The following CHD6 variants were observed in gnomAD, a reference collection of about 807,000 sequenced individuals.
CHD6 encodes chromodomain helicase DNA binding protein 6.
In CHD6, 50 loss-of-function variants were observed where a neutral mutation model predicts 276.9. The observed-to-expected ratio is 0.18, with a 90% CI of 0.14 to 0.23. The LOEUF is 0.23. CHD6 is among the 10% of genes least tolerant of loss of function. CHD6 has a pLI of 1.00. For synonymous variants in CHD6, 1,173 were observed against 1,229.3 expected, an observed-to-expected ratio of 0.95 and a Z score of 0.96; for missense variants, 2,564 against 3,365.8, an observed-to-expected ratio of 0.76 and a Z score of 5.89.
intron 17 of CHD6, among the ~76,000 whole-genome samples, chr20:41,472,323 T>C (rs528741438): frequency 2.8e-4 from 43 of 152,106 alleles, no homozygotes; most frequent in African/African-American, 9.6e-4. Flanking sequence ...CAGACACCCA[T>C]TGGCTTAGTG....
intron 3 of CHD6, among the ~76,000 whole-genome samples, chr20:41,528,016 T>A (rs1372942205): frequency 6.6e-6 from 1 of 152,200 alleles, no homozygotes; most frequent in African/African-American, 2.4e-5. Context: ...CTTCCCAGTC[T>A]CCAGAATGGT....
chr20:41,435,222 G>A (rs557751987), intron 27 of CHD6, among the ~76,000 whole-genome samples: 1 of 152,172 alleles, frequency 6.6e-6, no homozygotes, highest in Non-Finnish European at 1.5e-5. Context: ...GCAATGCCGA[G>A]GGAAATTTAC....
chr20:41,472,316 A>G (rs2043073590), intron 17 of CHD6, among the ~76,000 whole-genome samples: 1 of 151,964 alleles, frequency 6.6e-6, no homozygotes. Context: ...AGAAGCCCAG[A>G]CACCCATTGG....
intron 11 of CHD6, among the ~76,000 whole-genome samples, chr20:41,490,559 T>G (rs2043526454): frequency 6.6e-6 from 1 of 152,152 alleles, no homozygotes; most frequent in South Asian, 2.1e-4. Context: ...ACACCTGTAA[T>G]CCCAACATTT....
chr20:41,482,724 A>AC (rs2043323472), intron 16 of CHD6, among the ~76,000 whole-genome samples: 1 of 152,178 alleles, frequency 6.6e-6, no homozygotes, highest in African/African-American at 2.4e-5. Flanking sequence ...AATCCAAATA[A>AC]CCCACACAGC....
At chr20:41,558,715 C>T (rs969668353) in intron 1 of CHD6, among the ~76,000 whole-genome samples, 2 of 152,118 alleles carry the variant, frequency 1.3e-5, no homozygotes, top group Non-Finnish European at 2.9e-5. Context: ...ACCCTCTCTC[C>T]CCCTTCTCAG....
chr20:41,414,924 G>A, intron 34 of CHD6: 1 of 1,317,116 alleles, frequency 7.6e-7, no homozygotes, highest in South Asian at 1.8e-5. Flanking sequence ...CTGAAACCCT[G>A]GAGGAGCGGG....
Position 41,403,089 on chromosome 20 carries a change from G to GCATCATAAA in CHD6, c.*1495_*1503dup. On this transcript the variant is annotated 3_prime_UTR_variant, in exon 37 of 37. Coordinates refer to ENST00000373233, the MANE Select transcript of CHD6 (RefSeq NM_032221.5). ...AAATGTATAAAAGACAATGAAAAAA[G>GCATCATAAA]CATCATAAATAAATAATGCAAAATG... 4.4e-6 allele frequency: 1 copy of GCATCATAAA among 227,750 alleles called. No individual in the cohort carries two copies. Among genetic ancestry groups the GCATCATAAA allele is most frequent in the Non-Finnish European group, 8.5e-6 (1 of 117,832 alleles). The allele number at this position is 227,750 out of a possible 1,614,324, so 14.1% of individuals were successfully genotyped here. A position where few individuals can be genotyped will look rare whatever the true frequency, so the allele number is the denominator to read the frequency against.
intron 1 of CHD6, among the ~76,000 whole-genome samples, chr20:41,559,147 G>GACACACACACACACAC (rs58169591): frequency 2.6e-4 from 39 of 148,272 alleles, no homozygotes; most frequent in Middle Eastern, 3.6e-3. Context: ...GCCTGTTCCT[G>GACACACACACACACAC]ACACACACAC....
Position 41,440,044 on chromosome 20 carries a change from A to C in CHD6, c.3963T>G (p.Ser1321=). The change falls in exon 26 of 37, where the codon TCT becomes TCG. Residue 1321 remains serine, a synonymous_variant. Coordinates refer to ENST00000373233, the MANE Select transcript of CHD6 (RefSeq NM_032221.5). ...KVGMPDEKSL[S]AEQGVTDGTS... ...TCCCATCTGTAACACCCTGTTCTGCAGAAAGGGACTTCTCATCGGGCATCC... is the reference window on the plus strand; with the variant it reads ...TCCCATCTGTAACACCCTGTTCTGCCGAAAGGGACTTCTCATCGGGCATCC... 6.2e-7 allele frequency: 1 copy of C among 1,614,098 alleles called. No individual in the cohort carries two copies. Among genetic ancestry groups the C allele is most frequent in the Admixed American group, 1.7e-5 (1 of 60,020 alleles).
chr20:41,586,213 G>T (rs535039365), intron 1 of CHD6, among the ~76,000 whole-genome samples: 1 of 152,252 alleles, frequency 6.6e-6, no homozygotes, highest in African/African-American at 2.4e-5. Flanking sequence ...GTCCGTGTTT[G>T]TTCCGGCTCA....
At chr20:41,461,129 T>C (rs1184345069) in intron 17 of CHD6, among the ~76,000 whole-genome samples, 1 of 152,266 alleles carries the variant, frequency 6.6e-6, no homozygotes, top group Non-Finnish European at 1.5e-5. Context: ...GGAATGGCTG[T>C]ATTTACCCAA....
intron 3 of CHD6, among the ~76,000 whole-genome samples, chr20:41,524,169 C>T (rs1483852646): frequency 6.6e-6 from 1 of 152,168 alleles, no homozygotes; most frequent in African/African-American, 2.4e-5. Flanking sequence ...ATACTGAAAA[C>T]ATGGATATCA....
At chr20:41,453,790 AG>A (rs749880814) in intron 20 of CHD6, among the ~76,000 whole-genome samples, 2 of 152,224 alleles carry the variant, frequency 1.3e-5, no homozygotes, top group Non-Finnish European at 2.9e-5. Flanking sequence ...AGGGGACTGC[AG>A]GATCTTCTTA....
chr20:41,454,958 A>G (rs1569097112), intron 19 of CHD6, among the ~76,000 whole-genome samples: 1 of 151,378 alleles, frequency 6.6e-6, no homozygotes. Flanking sequence ...TGAAGGGATC[A>G]TTTTTTTTTG....
At chr20:41,451,607 ACTTTAAG>A (rs1307813986) in intron 22 of CHD6, among the ~76,000 whole-genome samples, 1 of 152,172 alleles carries the variant, frequency 6.6e-6, no homozygotes, top group African/African-American at 2.4e-5. Flanking sequence ...GATGTGGGAA[ACTTTAAG>A]AGGGTCCAGT....
chr20:41,537,010 C>T (rs888936135), intron 2 of CHD6, among the ~76,000 whole-genome samples: 1 of 152,082 alleles, frequency 6.6e-6, no homozygotes, highest in Non-Finnish European at 1.5e-5. Flanking sequence ...TGACATTTCC[C>T]TCTCCCAAAT....
In CHD6 at chr20:41,417,273, T is replaced by C. The variant is rs569367732; in HGVS notation, c.6204A>G (p.Leu2068=). 1.2e-6 allele frequency: 2 copies of C among 1,613,976 alleles called. No individual in the cohort carries two copies. The highest frequency in any genetic ancestry group is 1.3e-5 in the African/African-American group (1 of 75,036). ...CAATAGTGGGAGCTCGAGCCTCCTG[T>C]AGCTCATCCCCAATGTCTCCTGTGA... ...SGITGDIGDE[L]QEARAPTIAQ... is the part of the protein sequence containing the mutation. The change falls in exon 32 of 37, where the codon CTA becomes CTG. Residue 2068 remains leucine (L), a synonymous_variant. Coordinates refer to ENST00000373233, the MANE Select transcript of CHD6 (RefSeq NM_032221.5).
At chr20:41,485,398 G>C (rs1446842717) in intron 14 of CHD6, among the ~76,000 whole-genome samples, 1 of 152,046 alleles carries the variant, frequency 6.6e-6, no homozygotes, top group South Asian at 2.1e-4. Context: ...ACAAAATAAG[G>C]GAAGATGAAA....
Sources: allele counts gnomAD v4.1 joint callset (sites outside exome capture counted in the v4.1 genomes callset), GRCh38; gene constraint gnomAD v4.1.1; transcripts MANE v1.5; gene names NCBI Gene and HGNC (gene_info 2026-07-23, HGNC 2026-07-21).